The following RHPN2 variants were observed in gnomAD, a reference collection of about 807,000 sequenced individuals.
RHPN2 encodes rhophilin Rho GTPase binding protein 2, also known as rhophilin-2.
A neutral mutation model predicts 79.0 loss-of-function variants in RHPN2; 40 were observed. The observed-to-expected ratio is 0.51, with a 90% CI of 0.39 to 0.66. The LOEUF (loss-of-function observed/expected upper bound fraction) is 0.66. Among genes scored for constraint, RHPN2 ranks in the 30% least tolerant of loss-of-function variants. RHPN2 has a pLI of 0.00. For synonymous variants in RHPN2, 285 were observed against 363.5 expected (o/e 0.78, Z 2.46); for missense variants, 686 against 883.5 (o/e 0.78, Z 2.83).
At chr19:33,050,933 A>C (rs1011330179) in intron 1 of RHPN2, among the ~76,000 whole-genome samples, 4 of 152,114 alleles carry the variant, frequency 2.6e-5, no homozygotes, top group African/African-American at 9.7e-5. Flanking sequence ...TTTTGGATTA[A>C]ATTTTCTAGC....
At chr19:33,062,769 T>C (rs968172290) in intron 1 of RHPN2, among the ~76,000 whole-genome samples, 1 of 24,648 alleles carries the variant, frequency 4.1e-5, no homozygotes, top group Non-Finnish European at 5.8e-5. Context: ...CTCTGTTTCA[T>C]AATAATAATA....
At chr19:33,060,044 C>T (rs1293033283) in intron 1 of RHPN2, among the ~76,000 whole-genome samples, 1 of 152,200 alleles carries the variant, frequency 6.6e-6, no homozygotes, top group African/African-American at 2.4e-5. Flanking sequence ...CTGGGACCGC[C>T]ACATGGATAT....
chr19:32,999,086 G>T (rs1971727717), intron 10 of RHPN2, among the ~76,000 whole-genome samples: 1 of 151,896 alleles, frequency 6.6e-6, no homozygotes, highest in Non-Finnish European at 1.5e-5. Context: ...GCACCTAGAG[G>T]GGTGGGAGTT....
At chr19:33,062,405 T>C (rs1599839631) in intron 1 of RHPN2, among the ~76,000 whole-genome samples, 2 of 150,624 alleles carry the variant, frequency 1.3e-5, no homozygotes, top group African/African-American at 2.4e-5. Flanking sequence ...GAGGTTGCAG[T>C]GAGCCGAGAT....
rs768831821 is a variant in RHPN2 at position 33,021,596 on chromosome 19, T to C, written c.365A>G (p.Asp122Gly). ...CTTGAGGACGACTGCAAAGTCGACGTCTTTCGTTTCCTTCAGGCCAAGAGG... is the reference window on the plus strand; with the variant it reads ...CTTGAGGACGACTGCAAAGTCGACGCCTTTCGTTTCCTTCAGGCCAAGAGG... ...LIPLGLKETK[D>G]VDFAVVLKDF... The change falls in exon 4 of 15, where the codon GAC (aspartate) becomes GGC (glycine). Residue 122 changes from aspartate to glycine, a missense_variant. Coordinates refer to ENST00000254260, the MANE Select transcript of RHPN2 (RefSeq NM_033103.5). 1.2e-6 allele frequency: 2 copies of C among 1,613,992 alleles called. No individual in the cohort carries two copies. Among genetic ancestry groups the C allele is most frequent in the South Asian group, 2.2e-5 (2 of 91,086 alleles).
chr19:33,004,767 AGTACAGACGGG>A (rs1971777197), intron 7 of RHPN2, among the ~76,000 whole-genome samples: 1 of 151,666 alleles, frequency 6.6e-6, no homozygotes, highest in Non-Finnish European at 1.5e-5. Context: ...TTGTATTTTT[AGTACAGACGGG>A]GTTTCACCAT....
intron 4 of RHPN2, among the ~76,000 whole-genome samples, chr19:33,013,153 G>C (rs1971849010): frequency 6.7e-6 from 1 of 149,534 alleles, no homozygotes; most frequent in Non-Finnish European, 1.5e-5. Flanking sequence ...TGGGATTACA[G>C]ATGTCAGCCA....
chr19:33,044,606 G>C (rs544986181), intron 1 of RHPN2, among the ~76,000 whole-genome samples: 23 of 152,238 alleles, frequency 1.5e-4, no homozygotes, highest in Admixed American at 3.3e-4. Context: ...TAGAGACAAG[G>C]TCTGAGCTAG....
intron 1 of RHPN2, among the ~76,000 whole-genome samples, chr19:33,054,544 C>A (rs1367090429): frequency 6.6e-6 from 1 of 152,166 alleles, no homozygotes; most frequent in East Asian, 1.9e-4. Flanking sequence ...CCATAGGGAA[C>A]TCCGAGGGTC....
chr19:32,998,959 AGGAGGGGAAG>A (rs1189453288), intron 10 of RHPN2, among the ~76,000 whole-genome samples: 1 of 91,312 alleles, frequency 1.1e-5, no homozygotes, highest in South Asian at 4.6e-4. Context: ...AGAACAGGAG[AGGAGGGGAAG>A]GGAGGGGAAC....
At chr19:32,993,102 A>G (rs2146003432) in intron 12 of RHPN2, among the ~76,000 whole-genome samples, 2 of 148,426 alleles carry the variant, frequency 1.3e-5, no homozygotes, top group Middle Eastern at 3.5e-3. Flanking sequence ...TAGGTGACAC[A>G]GTGAGACCAT....
intron 10 of RHPN2, among the ~76,000 whole-genome samples, chr19:32,997,513 G>A (rs1440205219): frequency 1.3e-5 from 2 of 151,456 alleles, no homozygotes; most frequent in East Asian, 3.9e-4. Flanking sequence ...TTCTTGAGAC[G>A]GAGTCTTGCT....
At chr19:33,060,523 T>C (rs1276534876) in intron 1 of RHPN2, among the ~76,000 whole-genome samples, 1 of 151,884 alleles carries the variant, frequency 6.6e-6, no homozygotes, top group Non-Finnish European at 1.5e-5. Flanking sequence ...TACACGGCCG[T>C]TTCTTTGTTT....
chr19:33,036,924 G>A (rs1171671535), intron 2 of RHPN2, among the ~76,000 whole-genome samples: 2 of 147,862 alleles, frequency 1.4e-5, no homozygotes, highest in African/African-American at 2.6e-5. Flanking sequence ...CCCGACGAGC[G>A]CCGCCCCCTG....
At chr19:33,013,789 A>G (rs1971856399) in intron 4 of RHPN2, among the ~76,000 whole-genome samples, 1 of 152,146 alleles carries the variant, frequency 6.6e-6, no homozygotes, top group African/African-American at 2.4e-5. Flanking sequence ...ACTGTCAATA[A>G]CAGTCTCCAG....
In RHPN2 at chr19:33,002,900, G is replaced by A; in HGVS notation, c.861C>T (p.Ala287=). The stretch of plus-strand genomic sequence containing the variant: ...TGATTTTCTCAAACACGCTTTCTTG[G>A]GCTTGTGCAAGCATCATTTTGACGA... ...SVLVKMMLAQ[A]QESVFEKISL... The change falls in exon 8 of 15, where the codon GCC becomes GCT. Residue 287 remains alanine, a synonymous_variant. Transcript: ENST00000254260. 1 of 1,613,884 alleles carries A rather than the reference G, an allele frequency of 6.2e-7. No individual in the cohort carries two copies. The highest frequency in any genetic ancestry group is 8.5e-7 in the Non-Finnish European group (1 of 1,179,864).
At chr19:32,994,333 C>G (rs1418672831) in intron 11 of RHPN2, among the ~76,000 whole-genome samples, 3 of 151,982 alleles carry the variant, frequency 2.0e-5, no homozygotes, top group Non-Finnish European at 2.9e-5. Flanking sequence ...GAGGCAGAGG[C>G]TGCAGTGAGT....
At chr19:32,999,171 TGA>T (rs1568312103) in intron 10 of RHPN2, among the ~76,000 whole-genome samples, 3 of 151,748 alleles carry the variant, frequency 2.0e-5, no homozygotes, top group South Asian at 4.2e-4. Flanking sequence ...GTGGTGGAGG[TGA>T]GGTCTGCACA....
rs1400954979 is a variant in RHPN2 at position 32,994,037 on chromosome 19, C to T, written c.1437G>A (p.Glu479=). The T allele has an allele frequency of 1.9e-6, 3 of 1,612,472 alleles. No individual in the cohort carries two copies. Among genetic ancestry groups the T allele is most frequent in the South Asian group, 1.1e-5 (1 of 91,062 alleles). ...APSVVAKTEQ[E]VDIILPQFSK... is the part of the protein sequence containing the mutation. ...AGAACTGGGGCAATATAATGTCAACCTCTTGCTCAGTTTTAGCTAGAATAG... is the reference window on the plus strand; with the variant it reads ...AGAACTGGGGCAATATAATGTCAACTTCTTGCTCAGTTTTAGCTAGAATAG... Residue 479 remains glutamate (E), a synonymous_variant, in exon 12 of 15, where the codon GAG becomes GAA. Transcript: ENST00000254260.
Sources: allele counts gnomAD v4.1 joint callset (sites outside exome capture counted in the v4.1 genomes callset), GRCh38; gene constraint gnomAD v4.1.1; transcripts MANE v1.5; gene names NCBI Gene and HGNC (gene_info 2026-07-23, HGNC 2026-07-21).